Variants in CAMKMT observed in about 807,000 individuals in gnomAD.
The protein encoded by CAMKMT is calmodulin-lysine N-methyltransferase, also known as CaM KMT.
A neutral mutation model predicts 48.0 loss-of-function variants in CAMKMT; 53 were observed. The ratio of observed to expected loss-of-function variants is 1.10; its 90% CI spans 0.89 to 1.39. The LOEUF (loss-of-function observed/expected upper bound fraction) is 1.39. Among genes scored for constraint, CAMKMT ranks in the 40% most tolerant of loss-of-function variants. The pLI is 0.00. For missense variants in CAMKMT, 428 were observed against 402.7 expected, an observed-to-expected ratio of 1.06 and a Z score of -0.54; for synonymous variants, 165 against 152.3, an observed-to-expected ratio of 1.08 and a Z score of -0.61.
chr2:44,754,182 G>T, intron 9 of CAMKMT, 64 bp downstream of exon 9: 1 of 1,269,218 alleles, frequency 7.9e-7, no homozygotes, highest in Admixed American at 1.7e-5. Context: ...GCACAAAGAT[G>T]GAGAGAGTAA....
intron 3 of CAMKMT, among the ~76,000 whole-genome samples, chr2:44,676,241 C>A (rs1675681524): frequency 6.6e-6 from 1 of 152,100 alleles, no homozygotes; most frequent in Non-Finnish European, 1.5e-5. Flanking sequence ...CTTTGCTGAT[C>A]TACTCCCATA....
intron 2 of CAMKMT, among the ~76,000 whole-genome samples, chr2:44,379,402 C>G (rs756191222): frequency 3.3e-5 from 5 of 152,094 alleles, no homozygotes; most frequent in Non-Finnish European, 5.9e-5. Flanking sequence ...TGAACATATG[C>G]TTTTAATTCT....
chr2:44,491,549 G>A (rs1669506724), intron 3 of CAMKMT, among the ~76,000 whole-genome samples: 2 of 152,164 alleles, frequency 1.3e-5, no homozygotes, highest in East Asian at 1.9e-4. Context: ...ATTTAATAAA[G>A]TAACTCTTTG....
At chr2:44,448,695 A>G (rs975839231) in intron 3 of CAMKMT, among the ~76,000 whole-genome samples, 2 of 152,168 alleles carry the variant, frequency 1.3e-5, no homozygotes, top group Non-Finnish European at 2.9e-5. Context: ...ATTTTTCACT[A>G]ATGATTATGT....
intron 3 of CAMKMT, among the ~76,000 whole-genome samples, chr2:44,614,548 A>G (rs1671768097): frequency 6.6e-6 from 1 of 152,228 alleles, no homozygotes; most frequent in Non-Finnish European, 1.5e-5. Context: ...CAAGATAAGC[A>G]GAACATAAAT....
At chr2:44,765,520 AT>A (rs56681305) in intron 9 of CAMKMT, among the ~76,000 whole-genome samples, 1,751 of 140,948 alleles carry the variant, frequency 0.012, 19 homozygotes, top group African/African-American at 0.027. Flanking sequence ...AGCCATCTTT[AT>A]TTTTTTTTTT....
intron 3 of CAMKMT, among the ~76,000 whole-genome samples, chr2:44,702,617 A>C (rs1677316622): frequency 6.6e-6 from 1 of 152,180 alleles, no homozygotes; most frequent in African/African-American, 2.4e-5. Flanking sequence ...GAGCCCAATA[A>C]GTCTGGTTCC....
chr2:44,398,129 C>G (rs1051164423), intron 3 of CAMKMT, among the ~76,000 whole-genome samples: 4 of 152,146 alleles, frequency 2.6e-5, no homozygotes, highest in East Asian at 1.9e-4. Context: ...AGTACTGTCC[C>G]GTTTAATAAT....
rs148307807 is a variant in CAMKMT, at chr2:44,403,513, C to T, written c.376+13208C>T. Among the ~76,000 whole-genome samples, 80 of 152,296 alleles carry T rather than the reference C, an allele frequency of 5.3e-4. 2 individuals are homozygous for T. Among genetic ancestry groups the T allele is most frequent in the East Asian group, 2.9e-3 (15 of 5,190 alleles). ...GTTTAGTCCATCCTTGTACTCTACT[C>T]GTAGACATGTAACTCCGGTTGCTTC... On this transcript the variant is annotated intron_variant, in intron 3 of 10. Transcript: ENST00000378494.
chr2:44,598,416 C>T (rs908913136), intron 3 of CAMKMT, among the ~76,000 whole-genome samples: 2 of 151,860 alleles, frequency 1.3e-5, no homozygotes, highest in Non-Finnish European at 2.9e-5. Flanking sequence ...TTCCAGTTTT[C>T]TCGTGGAATT....
intron 7 of CAMKMT, among the ~76,000 whole-genome samples, chr2:44,741,818 C>G (rs1218479238): frequency 1.3e-5 from 2 of 152,308 alleles, no homozygotes; most frequent in South Asian, 4.1e-4. Flanking sequence ...TTTGTTGAAC[C>G]AAGGGGCTGA....
chr2:44,696,382 C>T (rs1016531147), intron 3 of CAMKMT, among the ~76,000 whole-genome samples: 1 of 152,008 alleles, frequency 6.6e-6, no homozygotes, highest in African/African-American at 2.4e-5. Context: ...GAACTAATCC[C>T]CCACAAATAT....
At chr2:44,563,594 G>A (rs909364385) in intron 3 of CAMKMT, among the ~76,000 whole-genome samples, 11 of 152,078 alleles carry the variant, frequency 7.2e-5, no homozygotes, top group Non-Finnish European at 4.4e-5. Context: ...ATTTACGTTA[G>A]GTATATCTCC....
At chr2:44,416,152 G>A (rs527442559) in intron 3 of CAMKMT, among the ~76,000 whole-genome samples, 6 of 152,170 alleles carry the variant, frequency 3.9e-5, no homozygotes, top group African/African-American at 9.7e-5. Flanking sequence ...ACATACCTAC[G>A]TAACAATGTT....
At chr2:44,467,611 C>T (rs1231744596) in intron 3 of CAMKMT, among the ~76,000 whole-genome samples, 2 of 151,502 alleles carry the variant, frequency 1.3e-5, no homozygotes, top group East Asian at 1.9e-4. Context: ...CCAAAATATA[C>T]TACAAAGCGA....
intron 3 of CAMKMT, among the ~76,000 whole-genome samples, chr2:44,406,721 C>T (rs374412977): frequency 1.3e-5 from 2 of 152,272 alleles, no homozygotes; most frequent in African/African-American, 4.8e-5. Context: ...CTCAGCCTCC[C>T]AAGTAGCTGG....
chr2:44,689,841 C>T (rs10203059), intron 3 of CAMKMT, among the ~76,000 whole-genome samples: 50,007 of 152,074 alleles, frequency 0.33, 8,747 homozygotes, highest in Non-Finnish European at 0.4. Context: ...CTCTTCTGCC[C>T]TTAGGTAGTT....
At chr2:44,759,087 G>C (rs1256488074) in intron 9 of CAMKMT, among the ~76,000 whole-genome samples, 1 of 152,198 alleles carries the variant, frequency 6.6e-6, no homozygotes, top group African/African-American at 2.4e-5. Context: ...TCTCCAAGGT[G>C]TGCTATAAAT....
chr2:44,768,925 A>G (rs1009971603), intron 10 of CAMKMT, among the ~76,000 whole-genome samples: 1 of 152,088 alleles, frequency 6.6e-6, no homozygotes, highest in African/African-American at 2.4e-5. Context: ...GGAGGACTGT[A>G]AGACGCCTGA....
Sources: allele counts gnomAD v4.1 joint callset (sites outside exome capture counted in the v4.1 genomes callset), GRCh38; gene constraint gnomAD v4.1.1; transcripts MANE v1.5; gene names NCBI Gene and HGNC (gene_info 2026-07-23, HGNC 2026-07-21).